CCSER1: variants seen among roughly 807,000 people sequenced by gnomAD.
The protein encoded by CCSER1 is coiled-coil serine rich protein 1.
CCSER1 carries 41 observed loss-of-function variants against 82.0 expected under a neutral mutation model. That is an observed-to-expected ratio of 0.50 (90% confidence interval 0.39 to 0.65). The LOEUF (loss-of-function observed/expected upper bound fraction) is 0.65, where lower values mean the gene tolerates loss of function less well. Ranked by LOEUF, CCSER1 falls within the 30% of genes least tolerant of loss-of-function variation. CCSER1 has a pLI of 0.00. For synonymous variants in CCSER1, 414 were observed against 383.9 expected, an observed-to-expected ratio of 1.08 and a Z score of -0.92; for missense variants, 1,119 against 1,064.2, an observed-to-expected ratio of 1.05 and a Z score of -0.72.
At chr4:91,410,772 A>G (rs532920286) in intron 10 of CCSER1, among the ~76,000 whole-genome samples, 4 of 152,228 alleles carry the variant, frequency 2.6e-5, no homozygotes, top group Admixed American at 1.3e-4. Flanking sequence ...TGAAATGTCA[A>G]TTTAGGAATT....
intron 5 of CCSER1, among the ~76,000 whole-genome samples, chr4:90,616,660 G>T (rs573007280): frequency 1.0e-3 from 149 of 149,568 alleles, no homozygotes; most frequent in African/African-American, 3.6e-3. Flanking sequence ...ACTCCAGCCT[G>T]GGCCACAGAG....
At chr4:90,143,144 AAGAC>A (rs1259630284) in intron 1 of CCSER1, among the ~76,000 whole-genome samples, 3 of 152,014 alleles carry the variant, frequency 2.0e-5, no homozygotes, top group South Asian at 2.1e-4. Context: ...GAAGGGGAGG[AAGAC>A]AGACAATGAG....
intron 6 of CCSER1, among the ~76,000 whole-genome samples, chr4:90,651,630 A>G (rs1728761180): frequency 6.6e-6 from 1 of 152,064 alleles, no homozygotes; most frequent in South Asian, 2.1e-4. Flanking sequence ...TGGCACGTGT[A>G]TACCTACGTA....
intron 6 of CCSER1, among the ~76,000 whole-genome samples, chr4:90,723,679 G>A (rs1302460022): frequency 1.3e-5 from 2 of 151,740 alleles, no homozygotes; most frequent in Middle Eastern, 3.2e-3. Context: ...TTGATAAAAT[G>A]CACTTAAAAT....
At chr4:91,226,345 A>G (rs533111383) in intron 10 of CCSER1, among the ~76,000 whole-genome samples, 61 of 152,070 alleles carry the variant, frequency 4.0e-4, no homozygotes, top group African/African-American at 1.4e-3. Flanking sequence ...AATTTCTAAG[A>G]TACTTATTTG....
chr4:91,461,325 G>A (rs1198775685), intron 10 of CCSER1, among the ~76,000 whole-genome samples: 3 of 152,138 alleles, frequency 2.0e-5, no homozygotes, highest in Admixed American at 6.5e-5. Flanking sequence ...AAACTAGTGA[G>A]GATATTACTG....
intron 7 of CCSER1, among the ~76,000 whole-genome samples, chr4:90,789,728 T>C (rs1222814342): frequency 6.6e-6 from 1 of 152,216 alleles, no homozygotes; most frequent in African/African-American, 2.4e-5. Context: ...GCCATTCATG[T>C]AAGATGTGAC....
At chr4:91,116,769 CAG>C (rs1726654864) in intron 10 of CCSER1, among the ~76,000 whole-genome samples, 1 of 152,014 alleles carries the variant, frequency 6.6e-6, no homozygotes, top group Non-Finnish European at 1.5e-5. Flanking sequence ...AAACAAAAAA[CAG>C]GGATCATTTT....
intron 10 of CCSER1, among the ~76,000 whole-genome samples, chr4:91,527,928 T>A (rs2110159904): frequency 6.6e-6 from 1 of 152,238 alleles, no homozygotes; most frequent in Non-Finnish European, 1.5e-5. Flanking sequence ...TGTTTTGTTT[T>A]GTTTTTGAGA....
At chr4:91,536,554 A>T (rs1761306393) in intron 10 of CCSER1, among the ~76,000 whole-genome samples, 1 of 152,078 alleles carries the variant, frequency 6.6e-6, no homozygotes, top group African/African-American at 2.4e-5. Flanking sequence ...TTCCACTAAG[A>T]AGAAAGAGGG....
At chr4:90,238,410 G>T (rs1016814915) in intron 1 of CCSER1, among the ~76,000 whole-genome samples, 5 of 152,190 alleles carry the variant, frequency 3.3e-5, no homozygotes, top group Non-Finnish European at 5.9e-5. Context: ...AGAGAGCTCA[G>T]TCTGGCATTG....
intron 7 of CCSER1, among the ~76,000 whole-genome samples, chr4:90,814,540 A>C (rs539626823): frequency 2.4e-4 from 37 of 152,212 alleles, no homozygotes; most frequent in Non-Finnish European, 4.3e-4. Context: ...CTTTTAAATA[A>C]AAGTGCCTGT....
At chr4:90,960,156 A>G (rs1733920788) in intron 9 of CCSER1, among the ~76,000 whole-genome samples, 1 of 152,080 alleles carries the variant, frequency 6.6e-6, no homozygotes, top group Non-Finnish European at 1.5e-5. Context: ...GCCTGTTCAC[A>G]TTGTTTTCAT....
chr4:91,241,426 C>G (rs1340060606), intron 10 of CCSER1, among the ~76,000 whole-genome samples: 3 of 146,670 alleles, frequency 2.0e-5, no homozygotes, highest in Non-Finnish European at 4.5e-5. Context: ...CCCAGGTTCA[C>G]GCCATTCTCT....
chr4:91,050,874 C>T lies in CCSER1; in HGVS notation c.2173-35076C>T, dbSNP rs140064333. 3.9e-5 allele frequency among the ~76,000 whole-genome samples: 6 copies of T among 152,272 alleles called. No individual in the cohort carries two copies. In the East Asian group the frequency reaches 1.2e-3, roughly 29 times the overall value. The stretch of plus-strand genomic sequence containing the variant: ...TTTGCCTAATTTTGAATAGCTATCT[C>T]GTTGAAAACAGACAAGAAATTTGGA... On this transcript the variant is annotated intron_variant, in intron 9 of 10. Transcript: ENST00000509176.
At chr4:91,078,822 AG>A (rs1722337575) in intron 9 of CCSER1, among the ~76,000 whole-genome samples, 1 of 152,240 alleles carries the variant, frequency 6.6e-6, no homozygotes, top group Non-Finnish European at 1.5e-5. Flanking sequence ...AATGGAAGAA[AG>A]GGTATCAGTG....
rs1560533088 is a variant in CCSER1 at position 90,448,474 on chromosome 4, TA to T, written c.1604-19759del. On this transcript the variant is annotated intron_variant, in intron 4 of 10. Coordinates refer to ENST00000509176, the MANE Select transcript of CCSER1 (RefSeq NM_001145065.2). ...ATATATATATATATATATATATATA[TA>T]TATATATATAGCACTTTTCTTCTAT... Among the ~76,000 whole-genome samples the T allele has an allele frequency of 1.9e-3, 246 of 128,918 alleles. 3 individuals are homozygous for T. The highest frequency in any genetic ancestry group is 7.2e-3 in the African/African-American group (238 of 33,040). 84.6% of individuals were successfully genotyped at this position (128,918 alleles called of 152,430 possible).
intron 10 of CCSER1, among the ~76,000 whole-genome samples, chr4:91,294,417 AAT>A (rs1744003874): frequency 6.6e-6 from 1 of 151,732 alleles, no homozygotes; most frequent in Non-Finnish European, 1.5e-5. Flanking sequence ...ATTTTAAAAT[AAT>A]ATGTCGAACT....
intron 5 of CCSER1, among the ~76,000 whole-genome samples, chr4:90,469,802 CATCCTACCG>C (rs1212109640): frequency 1.3e-5 from 2 of 152,140 alleles, no homozygotes; most frequent in Non-Finnish European, 2.9e-5. Context: ...TCTAACTAGG[CATCCTACCG>C]AAGTGTCATG....
Sources: gnomAD v4.1 joint callset for allele counts (sites outside exome capture counted in the v4.1 genomes callset) on GRCh38, gnomAD v4.1.1 for gene constraint, MANE v1.5 for transcripts, NCBI Gene and HGNC (gene_info 2026-07-23, HGNC 2026-07-21) for gene names.